The following TAF1B variants were observed in gnomAD, a reference collection of about 807,000 sequenced individuals.
The protein encoded by TAF1B is TATA-box binding protein associated factor, RNA polymerase I subunit B.
In TAF1B, 61 loss-of-function variants were observed where a neutral mutation model predicts 83.9. That is an observed-to-expected ratio of 0.73 (90% CI 0.59 to 0.90). The LOEUF is 0.90. TAF1B is among the 40% of genes least tolerant of loss of function. The pLI, the probability that TAF1B is intolerant of heterozygous loss-of-function variation, is 0.00. For synonymous variants in TAF1B, 221 were observed against 224.6 expected, an observed-to-expected ratio of 0.98 and a Z score of 0.14; for missense variants, 625 against 677.0, an observed-to-expected ratio of 0.92 and a Z score of 0.85.
Position 9,910,894 on chromosome 2 carries a change from T to C in TAF1B, c.1114T>C (p.Leu372=). Residue 372 remains leucine (L), a synonymous_variant, in exon 10 of 15, where the codon TTG becomes CTG. Transcript: ENST00000263663. Reference sequence around the variant, plus strand: ...GGTGGTATTGAAACTGCTCTTTCTATTGGATGACAGTTTCGAGTGGTAAGT... The same window carrying C: ...GGTGGTATTGAAACTGCTCTTTCTACTGGATGACAGTTTCGAGTGGTAAGT... ...IVVVLKLLFL[L]DDSFEWSLSN... 2 of 1,611,092 alleles carry C rather than the reference T, an allele frequency of 1.2e-6. No individual in the cohort carries two copies. The highest frequency in any genetic ancestry group is 1.7e-4 in the Middle Eastern group (1 of 5,954).
At chr2:9,891,385 G>T (rs1354706181) in intron 8 of TAF1B, among the ~76,000 whole-genome samples, 1 of 152,084 alleles carries the variant, frequency 6.6e-6, no homozygotes, top group Non-Finnish European at 1.5e-5. Flanking sequence ...TCCCTGTAAG[G>T]TGTAAGAATT....
chr2:9,869,302 G>A (rs990351117), intron 6 of TAF1B, among the ~76,000 whole-genome samples: 6 of 151,988 alleles, frequency 3.9e-5, no homozygotes, highest in South Asian at 4.2e-4. Context: ...TCGGCTCACT[G>A]CAACCTCCGC....
chr2:9,913,507 T>C, intron 12 of TAF1B: 1 of 311,860 alleles, frequency 3.2e-6, no homozygotes, highest in Non-Finnish European at 5.8e-6. Flanking sequence ...TACCACAGTA[T>C]ACTTTTTATA....
intron 14 of TAF1B, among the ~76,000 whole-genome samples, chr2:9,929,367 C>T (rs1212958236): frequency 6.6e-6 from 1 of 152,162 alleles, no homozygotes; most frequent in Non-Finnish European, 1.5e-5. Flanking sequence ...ACCGTGTTAG[C>T]CAAGACGGTC....
At chr2:9,864,917 T>G (rs560627621) in intron 5 of TAF1B, among the ~76,000 whole-genome samples, 1 of 152,232 alleles carries the variant, frequency 6.6e-6, no homozygotes, top group Admixed American at 6.5e-5. Flanking sequence ...TCTCAATAAA[T>G]TAGGTATTGA....
At chr2:9,888,261 C>T (rs1664739930) in intron 8 of TAF1B, among the ~76,000 whole-genome samples, 1 of 152,050 alleles carries the variant, frequency 6.6e-6, no homozygotes, top group Non-Finnish European at 1.5e-5. Context: ...CCACTTCCCT[C>T]CTCCCATCCT....
chr2:9,918,452 A>G (rs921638205), intron 12 of TAF1B, among the ~76,000 whole-genome samples: 2 of 152,150 alleles, frequency 1.3e-5, no homozygotes, highest in African/African-American at 4.8e-5. Context: ...CAGGATCCCC[A>G]TTTTACAGTG....
intron 8 of TAF1B, among the ~76,000 whole-genome samples, chr2:9,883,094 G>A (rs542116338): frequency 1.3e-5 from 2 of 151,988 alleles, no homozygotes; most frequent in Non-Finnish European, 2.9e-5. Context: ...GAGACCTTTA[G>A]GTAATTTCAA....
chr2:9,930,148 T>A (rs1385368602), intron 14 of TAF1B, among the ~76,000 whole-genome samples: 1 of 151,988 alleles, frequency 6.6e-6, no homozygotes, highest in Non-Finnish European at 1.5e-5. Context: ...CATTGATTTT[T>A]TTAAGGGTTT....
intron 5 of TAF1B, among the ~76,000 whole-genome samples, chr2:9,864,748 A>G (rs1663908318): frequency 2.0e-5 from 3 of 152,124 alleles, no homozygotes; most frequent in Non-Finnish European, 2.9e-5. Flanking sequence ...ACCATGATCA[A>G]GTGGGCTTCA....
At chr2:9,902,148 G>A (rs1665196521) in intron 8 of TAF1B, among the ~76,000 whole-genome samples, 1 of 151,004 alleles carries the variant, frequency 6.6e-6, no homozygotes, top group Admixed American at 6.6e-5. Context: ...TCTCCGTTAA[G>A]CATATACCCC....
chr2:9,897,899 T>C (rs988891493), intron 8 of TAF1B, among the ~76,000 whole-genome samples: 1 of 152,118 alleles, frequency 6.6e-6, no homozygotes, highest in Non-Finnish European at 1.5e-5. Flanking sequence ...GGTTCCCTCA[T>C]TTCTACTCTT....
intron 11 of TAF1B, among the ~76,000 whole-genome samples, chr2:9,912,253 A>G (rs951003406): frequency 3.3e-5 from 5 of 150,912 alleles, no homozygotes; most frequent in African/African-American, 1.2e-4. Flanking sequence ...GAGGGATCAT[A>G]TCTTTTTTTT....
intron 2 of TAF1B, among the ~76,000 whole-genome samples, chr2:9,848,040 G>C (rs576893751): frequency 3.9e-5 from 6 of 152,036 alleles, no homozygotes; most frequent in African/African-American, 1.4e-4. Context: ...ATTTTTTCAG[G>C]TTTTTTGCTC....
intron 8 of TAF1B, among the ~76,000 whole-genome samples, chr2:9,901,024 A>T (rs1465683031): frequency 1.3e-5 from 2 of 152,184 alleles, no homozygotes; most frequent in African/African-American, 4.8e-5. Flanking sequence ...ATAGAATTTT[A>T]TATTTCCTAA....
intron 6 of TAF1B, among the ~76,000 whole-genome samples, chr2:9,870,677 C>A (rs1377413546): frequency 6.6e-6 from 1 of 152,150 alleles, no homozygotes; most frequent in African/African-American, 2.4e-5. Context: ...TGTCCCTTAT[C>A]TGCACATAGT....
chr2:9,916,159 TTGTC>T (rs1178901640), intron 12 of TAF1B, among the ~76,000 whole-genome samples: 4 of 152,200 alleles, frequency 2.6e-5, no homozygotes, highest in African/African-American at 9.6e-5. Context: ...CTGTATGTGT[TTGTC>T]AGTGCTAGCA....
intron 5 of TAF1B, 66 bp downstream of exon 5, chr2:9,854,487 G>T (rs1474754761): frequency 1.7e-6 from 2 of 1,164,800 alleles, no homozygotes; most frequent in African/African-American, 3.0e-5. Context: ...ATGAAGATGG[G>T]TTCATGACCA....
intron 7 of TAF1B, among the ~76,000 whole-genome samples, chr2:9,878,463 A>T: frequency 6.6e-6 from 1 of 152,154 alleles, no homozygotes; most frequent in Non-Finnish European, 1.5e-5. Flanking sequence ...ACACAGTTTT[A>T]AGGGAGTATG....
Sources: allele counts gnomAD v4.1 joint callset (sites outside exome capture counted in the v4.1 genomes callset), GRCh38; gene constraint gnomAD v4.1.1; transcripts MANE v1.5; gene names NCBI Gene and HGNC (gene_info 2026-07-23, HGNC 2026-07-21).